Variants in ZNF880 observed in about 807,000 individuals in gnomAD.
ZNF880 encodes the protein zinc finger protein 880, also known as zinc finger protein LOC400713.
In ZNF880, 12 loss-of-function variants were observed where a neutral mutation model predicts 11.8. The ratio of observed to expected loss-of-function variants is 1.02; its 90% confidence interval spans 0.65 to 1.65. The LOEUF is 1.65. Ranked by LOEUF, ZNF880 falls within the 40% of genes most tolerant of loss-of-function variation. The probability of loss-of-function intolerance (pLI) is 0.00; values close to 1 mark genes in which losing one functional copy is unlikely to be tolerated. For synonymous variants in ZNF880, 210 were observed against 232.4 expected, an observed-to-expected ratio of 0.90 and a Z score of 0.88; for missense variants, 601 against 673.9, an observed-to-expected ratio of 0.89 and a Z score of 1.20.
downstream of ZNF880, chr19:52,390,425 G>T (rs978648051): frequency 2.4e-5 from 8 of 336,668 alleles, no homozygotes; most frequent in South Asian, 1.5e-4. Flanking sequence ...CTTGATCGGG[G>T]GCCCTTCTGC....
chr19:52,396,140 T>TG, the ZNF880 span, among the ~76,000 whole-genome samples: 6 of 150,328 alleles, frequency 4.0e-5, no homozygotes, highest in African/African-American at 1.5e-4. Flanking sequence ...TTTTTTTTTT[T>TG]TGTATTTTTA....
At chr19:52,371,684 A>T (rs1334672956) in intron 1 of ZNF880, among the ~76,000 whole-genome samples, 1 of 151,940 alleles carries the variant, frequency 6.6e-6, no homozygotes, top group African/African-American at 2.4e-5. Context: ...CCTAATTCTT[A>T]AAGTTTGATT....
At chr19:52,376,114 G>A (rs572407280) in intron 3 of ZNF880, among the ~76,000 whole-genome samples, 2 of 152,284 alleles carry the variant, frequency 1.3e-5, no homozygotes, top group East Asian at 3.9e-4. Context: ...TGTGAATTGT[G>A]CTGCTATAAA....
upstream of ZNF880, chr19:52,369,918 C>A: frequency 1.9e-6 from 3 of 1,551,538 alleles, no homozygotes; most frequent in Non-Finnish European, 2.6e-6. Context: ...CTCAGCTGCG[C>A]GCGCAGTTTC....
chr19:52,392,757 T>C, the ZNF880 span: 1 of 228,186 alleles, frequency 4.4e-6, no homozygotes, highest in African/African-American at 2.3e-5. Flanking sequence ...AAAATCCAGA[T>C]GGGAGGGAAT....
chr19:52,379,638 G>A (rs921160767), intron 3 of ZNF880: 14 of 285,320 alleles, frequency 4.9e-5, no homozygotes, highest in African/African-American at 2.1e-4. Flanking sequence ...TTAGGTCGCT[G>A]CATCCTTGAC....
At chr19:52,367,682 G>C (rs377748178), upstream of ZNF880, 2 of 144,466 alleles carry the variant, frequency 1.4e-5, no homozygotes, top group East Asian at 4.0e-4. Context: ...CTCTGGTGTA[G>C]GATGTTTATG....
rs1986771621 is a variant in ZNF880 at position 52,383,867 on chromosome 19, G to A, written c.287G>A (p.Gly96Glu). The A allele has an allele frequency of 6.5e-7, 1 of 1,544,908 alleles. No homozygotes were observed. Among genetic ancestry groups the A allele is most frequent in the Admixed American group, 2.1e-5 (1 of 47,472 alleles). ...TTTTTAGAGAGCAGCTCTAAATTGGGAAGCAATGCCGGAAACAAGTCTCTT... is the reference window on the plus strand; with the variant it reads ...TTTTTAGAGAGCAGCTCTAAATTGGAAAGCAATGCCGGAAACAAGTCTCTT... ...GVNAESSSKL[G>E]SNAGNKSLKN... Residue 96 changes from glycine (G) to glutamate (E), a missense_variant, in exon 4 of 4, where the codon GGA (glycine) becomes GAA (glutamate). By Grantham distance (98) the Gly-to-Glu change is moderately conservative. Transcript: ENST00000422689.
rs774561301 is a variant in ZNF880 at position 52,384,536 on chromosome 19, G to C, written c.956G>C (p.Ser319Thr). Reference sequence around the variant, plus strand: ...CTTGCACGACATCAGAAAATTCATAGTGGAGAGAAACCTTACAAATGTAAG... The same window carrying C: ...CTTGCACGACATCAGAAAATTCATACTGGAGAGAAACCTTACAAATGTAAG... ...AHLARHQKIH[S>T]GEKPYKCKEC... The change falls in exon 4 of 4, where the codon AGT becomes ACT. Residue 319 changes from serine (S) to threonine (T), a missense_variant. Ser to Thr is a moderately conservative substitution (Grantham distance 58, BLOSUM62 1). Transcript: ENST00000422689. 3.7e-6 allele frequency: 6 copies of C among 1,613,560 alleles called. No homozygotes were observed. The Admixed American group carries it at 6.7e-5, about 18-fold the overall frequency.
chr19:52,373,482 CATT>C (rs1249450131), intron 2 of ZNF880, among the ~76,000 whole-genome samples: 1 of 152,064 alleles, frequency 6.6e-6, no homozygotes, highest in African/African-American at 2.4e-5. Flanking sequence ...TGAGATTCAT[CATT>C]GAGTGGTACC....
the ZNF880 span, among the ~76,000 whole-genome samples, chr19:52,394,615 A>AT: frequency 1.3e-5 from 2 of 152,056 alleles, no homozygotes; most frequent in South Asian, 2.1e-4. Context: ...ATTTTTGTAG[A>AT]TTTTTTTGGA....
chr19:52,392,833 A>ATAT, the ZNF880 span: 233 of 175,040 alleles, frequency 1.3e-3, no homozygotes, highest in Admixed American at 3.5e-3. Context: ...ATATATATAT[A>ATAT]TTTTTTGAGA....
chr19:52,370,071 C>A, intron 1 of ZNF880, 94 bp downstream of exon 1: 1 of 1,463,822 alleles, frequency 6.8e-7, no homozygotes, highest in Non-Finnish European at 9.4e-7. Context: ...CCTTGAAATC[C>A]CCGCATCGCT....
downstream of ZNF880, among the ~76,000 whole-genome samples, chr19:52,386,347 A>G (rs1233178321): frequency 7.0e-6 from 1 of 143,102 alleles, no homozygotes; most frequent in Non-Finnish European, 1.5e-5. Flanking sequence ...GATGGCAGTC[A>G]TCATACTGTT....
chr19:52,373,585 G>T (rs1428900116), intron 2 of ZNF880, among the ~76,000 whole-genome samples: 1 of 151,034 alleles, frequency 6.6e-6, no homozygotes, highest in Non-Finnish European at 1.5e-5. Flanking sequence ...ATTAGTTCTT[G>T]TAAGAGAGCT....
chr19:52,375,523 G>A (rs1986528171), intron 3 of ZNF880, among the ~76,000 whole-genome samples: 1 of 152,000 alleles, frequency 6.6e-6, no homozygotes, highest in Admixed American at 6.6e-5. Flanking sequence ...TTTCAATAGG[G>A]TTTTGGGGAA....
downstream of ZNF880, among the ~76,000 whole-genome samples, chr19:52,387,378 T>A (rs548452114): frequency 6.9e-6 from 1 of 144,406 alleles, no homozygotes; most frequent in Admixed American, 6.8e-5. Flanking sequence ...TCTACGTGCC[T>A]ATTGTGTGCC....
At chr19:52,387,866 G>GTT (rs1282648885), downstream of ZNF880, among the ~76,000 whole-genome samples, 20 of 131,326 alleles carry the variant, frequency 1.5e-4, no homozygotes, top group East Asian at 4.3e-3. Context: ...GCTCAGTGAC[G>GTT]TAAGTGGAAA....
chr19:52,382,071 T>C (rs11084151), intron 3 of ZNF880, among the ~76,000 whole-genome samples: 54,773 of 151,720 alleles, frequency 0.36, 10,135 homozygotes, highest in South Asian at 0.51. Flanking sequence ...GTCAGGAGTT[T>C]GAGACCAGCC....
Sources: allele counts gnomAD v4.1 joint callset (sites outside exome capture counted in the v4.1 genomes callset), GRCh38; gene constraint gnomAD v4.1.1; transcripts MANE v1.5; gene names NCBI Gene and HGNC (gene_info 2026-07-23, HGNC 2026-07-21).